Variants in KLF13 observed in about 807,000 individuals in gnomAD.
KLF13 encodes Krueppel-like factor 13.
A neutral mutation model predicts 16.7 loss-of-function variants in KLF13; 8 were observed. The observed-to-expected ratio is 0.48, with a 90% CI of 0.28 to 0.87. KLF13 has a LOEUF of 0.87. Ranked by LOEUF, KLF13 falls within the 40% of genes least tolerant of loss-of-function variation. KLF13 has a pLI of 0.10. For synonymous variants in KLF13, 245 were observed against 208.4 expected (o/e 1.18, Z -1.51); for missense variants, 447 against 452.2 (o/e 0.99, Z 0.10).
rs116858781 is a variant in KLF13, at chr15:31,427,844, C to T, written n.118-7526C>T. On this transcript the variant is annotated intron_variant and non_coding_transcript_variant, in intron 1 of 1. Transcript: ENST00000558225. ...AGCAAGAGAGAGAGGGGAAGTGCTA[C>T]ACTTTTAAACAACCAGATCTTCCAA... 9.9e-5 allele frequency among the ~76,000 whole-genome samples: 15 copies of T among 152,200 alleles called. No individual in the cohort carries two copies. The East Asian group carries it at 2.7e-3, about 28-fold the overall frequency.
chr15:31,355,558 A>G (rs2039286960), intron 1 of KLF13, among the ~76,000 whole-genome samples: 1 of 152,104 alleles, frequency 6.6e-6, no homozygotes, highest in Non-Finnish European at 1.5e-5. Context: ...TCCCAGCTCG[A>G]TAACGTGCTC....
Position 31,360,795 on chromosome 15 carries a change from G to A in KLF13, c.578-11215G>A, listed in dbSNP as rs1332409911. Reference sequence around the variant, plus strand: ...ATTACAAGCTCATTTTAATTCGGATGTATTTACTTTGTGAAACCAACCCTG... The same window carrying A: ...ATTACAAGCTCATTTTAATTCGGATATATTTACTTTGTGAAACCAACCCTG... On this transcript the variant is annotated intron_variant, in intron 1 of 1. Transcript: ENST00000307145. Among the ~76,000 whole-genome samples the A allele has an allele frequency of 6.6e-5, 10 of 152,234 alleles. No homozygotes were observed. The East Asian group carries it at 1.7e-3, about 26-fold the overall frequency.
intron 1 of KLF13, among the ~76,000 whole-genome samples, chr15:31,344,426 T>TGCCAGGCACCAAC (rs6145513): frequency 0.83 from 126,104 of 151,926 alleles, 52,442 homozygotes; most frequent in South Asian, 0.88. Flanking sequence ...GTGGCAGGGG[T>TGCCAGGCACCAAC]GCCAGGAATC....
chr15:31,335,237 G>A (rs1466991976), intron 1 of KLF13, among the ~76,000 whole-genome samples: 1 of 152,160 alleles, frequency 6.6e-6, no homozygotes, highest in Non-Finnish European at 1.5e-5. Context: ...CCAGCTGTTT[G>A]TGAGGCAGGC....
At chr15:31,400,546 G>A (rs886509517) in intron 2 of KLF13, among the ~76,000 whole-genome samples, 1 of 152,168 alleles carries the variant, frequency 6.6e-6, no homozygotes, top group Non-Finnish European at 1.5e-5. Context: ...CCCAGAGCTG[G>A]GACAGCGGCA....
intron 2 of KLF13, among the ~76,000 whole-genome samples, chr15:31,398,942 C>T (rs1249625736): frequency 6.6e-6 from 1 of 152,206 alleles, no homozygotes; most frequent in Non-Finnish European, 1.5e-5. Context: ...TGGGTTTTCC[C>T]TGGAGCCTGT....
chr15:31,352,449 G>T lies in KLF13; in HGVS notation c.578-19561G>T, dbSNP rs376096917. Among the ~76,000 whole-genome samples the T allele has an allele frequency of 4.2e-3, 636 of 152,362 alleles. 3 individuals are homozygous for T. The highest frequency in any genetic ancestry group is 0.015 in the African/African-American group (607 of 41,588). On this transcript the variant is annotated intron_variant, in intron 1 of 1. Transcript: ENST00000307145. The stretch of plus-strand genomic sequence containing the variant: ...GTGAGCTCTGCCTGGCCCAGGTGTG[G>T]GCTGGCCACGGGCTCCATGCCTGCC...
At chr15:31,353,409 G>C (rs1271993230) in intron 1 of KLF13, among the ~76,000 whole-genome samples, 1 of 74,342 alleles carries the variant, frequency 1.3e-5, no homozygotes, top group Non-Finnish European at 2.9e-5. Flanking sequence ...GGGAGCCCCA[G>C]GTTGGGGGGC....
intron 1 of KLF13, among the ~76,000 whole-genome samples, chr15:31,336,092 C>T (rs754533153): frequency 1.3e-5 from 2 of 152,248 alleles, no homozygotes; most frequent in African/African-American, 4.8e-5. Context: ...CCGACCCCAG[C>T]GTACACTGGA....
At chr15:31,369,184 T>C (rs1392376003) in intron 1 of KLF13, among the ~76,000 whole-genome samples, 1 of 152,274 alleles carries the variant, frequency 6.6e-6, no homozygotes, top group Non-Finnish European at 1.5e-5. Context: ...CTTTGCACAC[T>C]GTGTGCATTC....
intron 1 of KLF13, among the ~76,000 whole-genome samples, chr15:31,346,556 A>G (rs1358996267): frequency 6.6e-6 from 1 of 152,158 alleles, no homozygotes; most frequent in Non-Finnish European, 1.5e-5. Flanking sequence ...CCAGAGCCCC[A>G]AGGCCTCATG....
intron 1 of KLF13, among the ~76,000 whole-genome samples, chr15:31,431,567 C>T (rs1395072094): frequency 1.3e-5 from 2 of 152,066 alleles, no homozygotes; most frequent in Non-Finnish European, 2.9e-5. Flanking sequence ...CAGGTTCAAG[C>T]GATTCTCCTG....
exon 2 of KLF13, chr15:31,393,649 G>A (rs1033278718): frequency 4.3e-4 from 65 of 152,474 alleles, no homozygotes; most frequent in Admixed American, 4.1e-3. Flanking sequence ...AGGAAGCAAA[G>A]ACAGAGCTTT....
chr15:31,415,511 G>A (rs1203042954), intron 1 of KLF13, among the ~76,000 whole-genome samples: 1 of 152,092 alleles, frequency 6.6e-6, no homozygotes, highest in Non-Finnish European at 1.5e-5. Context: ...GAGATATGTG[G>A]AAATTTTACA....
In KLF13 at chr15:31,373,431, A is replaced by T. The variant is rs1047464417; in HGVS notation, c.*1132A>T. ...CAGGAAATGCTGTCGGAGAGCGCGC[A>T]TTCTATTTCCTCCGCAGGGAATGCC... On this transcript the variant is annotated 3_prime_UTR_variant, in exon 2 of 2. Transcript: ENST00000307145. The T allele has an allele frequency of 6.6e-6, 1 of 152,260 alleles. No homozygotes were observed. The allele number at this position is 152,260 out of a possible 1,614,324, so 9.4% of individuals were successfully genotyped here.
intron 1 of KLF13, among the ~76,000 whole-genome samples, chr15:31,410,608 CACACACACACACACACA>C (rs1265235274): frequency 5.3e-5 from 8 of 151,224 alleles, no homozygotes; most frequent in South Asian, 4.2e-4. Flanking sequence ...CACACACACA[CACACACACACACACACA>C]CCCCTATAAC....
chr15:31,430,532 G>A (rs571028532), intron 1 of KLF13, among the ~76,000 whole-genome samples: 1 of 152,200 alleles, frequency 6.6e-6, no homozygotes, highest in South Asian at 2.1e-4. Context: ...GAGGTAGAGA[G>A]TAAAATACCC....
In KLF13 at chr15:31,375,007, A is replaced by G. The variant is rs1011576033; in HGVS notation, c.*2708A>G. ...TATGCAGGCGTTGGCTATTTTTGGC[A>G]TAAGAGCGTGTCTTCATTCCCAAAG... On this transcript the variant is annotated 3_prime_UTR_variant, in exon 2 of 2. Coordinates refer to ENST00000307145, the MANE Select transcript of KLF13 (RefSeq NM_015995.4). The G allele has an allele frequency of 1.3e-5, 2 of 152,620 alleles. No individual in the cohort carries two copies. The highest frequency in any genetic ancestry group is 4.8e-5 in the African/African-American group (2 of 41,430). 9.5% of individuals were successfully genotyped at this position (152,620 alleles called of 1,614,324 possible). A position where few individuals can be genotyped will look rare whatever the true frequency, so the allele number is the denominator to read the frequency against.
intron 1 of KLF13, among the ~76,000 whole-genome samples, chr15:31,337,563 A>G (rs1161188091): frequency 6.6e-6 from 1 of 152,202 alleles, no homozygotes; most frequent in East Asian, 1.9e-4. Flanking sequence ...CATAGAATGC[A>G]CTTACTATGC....
Sources: allele counts gnomAD v4.1 joint callset (sites outside exome capture counted in the v4.1 genomes callset), GRCh38; gene constraint gnomAD v4.1.1; transcripts MANE v1.5; gene names NCBI Gene and HGNC (gene_info 2026-07-23, HGNC 2026-07-21).